The following HYCC2 variants were observed in gnomAD, a reference collection of about 807,000 sequenced individuals.
HYCC2 encodes hyccin 2.
At chr2:201,036,224 C>T in the HYCC2 span, among the ~76,000 whole-genome samples, 4 of 152,196 alleles carry the variant, frequency 2.6e-5, no homozygotes, top group Non-Finnish European at 5.9e-5. Context: ...TGACCAATAA[C>T]AGGCTCTGAA....
At chr2:201,042,713 G>T in the HYCC2 span, among the ~76,000 whole-genome samples, 1 of 149,122 alleles carries the variant, frequency 6.7e-6, no homozygotes, top group Non-Finnish European at 1.5e-5. Context: ...GGCAGCCCCC[G>T]CCCGGCCAGC....
chr2:201,011,730 A>G, the HYCC2 span, among the ~76,000 whole-genome samples: 17 of 152,202 alleles, frequency 1.1e-4, no homozygotes, highest in South Asian at 2.1e-4. Context: ...CAAATACAAT[A>G]TGACAGCAAA....
At chr2:200,988,279 T>A in the HYCC2 span, 20 of 1,611,572 alleles carry the variant, frequency 1.2e-5, no homozygotes, top group Non-Finnish European at 1.7e-5. Context: ...TCTCCATCTA[T>A]GACGACGGAT....
chr2:201,009,124 T>C, the HYCC2 span: 2 of 1,229,968 alleles, frequency 1.6e-6, no homozygotes, highest in South Asian at 1.2e-5. Flanking sequence ...ACAATGTCTC[T>C]ACCATGAAGT....
chr2:201,004,219 A>G, the HYCC2 span, among the ~76,000 whole-genome samples: 1 of 152,166 alleles, frequency 6.6e-6, no homozygotes, highest in Admixed American at 6.5e-5. Context: ...GCCTGTATGG[A>G]AAAAAACAGG....
chr2:201,050,257 G>GTCAGT, the HYCC2 span, among the ~76,000 whole-genome samples: 1 of 149,144 alleles, frequency 6.7e-6, no homozygotes, highest in Non-Finnish European at 1.5e-5. Flanking sequence ...AAAAAACCAT[G>GTCAGT]TCAGTATAAA....
chr2:201,012,388 G>A, the HYCC2 span, among the ~76,000 whole-genome samples: 3 of 152,208 alleles, frequency 2.0e-5, no homozygotes, highest in African/African-American at 7.2e-5. Flanking sequence ...TTGAGCCTTG[G>A]AGGTGGAAGT....
the HYCC2 span, among the ~76,000 whole-genome samples, chr2:201,017,325 G>A: frequency 6.6e-6 from 1 of 151,256 alleles, no homozygotes; most frequent in African/African-American, 2.4e-5. Flanking sequence ...TGTGTAAAGA[G>A]ACCACATATT....
the HYCC2 span, among the ~76,000 whole-genome samples, chr2:201,045,213 T>C: frequency 7.2e-5 from 11 of 152,182 alleles, no homozygotes; most frequent in African/African-American, 1.4e-4. Context: ...AGAAGTTCTA[T>C]TGGACAGCAT....
At chr2:201,016,961 A>C in the HYCC2 span, 4 of 1,599,916 alleles carry the variant, frequency 2.5e-6, no homozygotes, top group African/African-American at 1.3e-5. Context: ...AAAATACTTA[A>C]AATTTCCCAA....
chr2:201,045,436 T>G, the HYCC2 span: 1 of 397,532 alleles, frequency 2.5e-6, no homozygotes, highest in East Asian at 3.6e-5. Flanking sequence ...AATGCTAACA[T>G]GTCTAATGAT....
At chr2:200,979,590 G>A in the HYCC2 span, 1 of 152,056 alleles carries the variant, frequency 6.6e-6, no homozygotes, top group Admixed American at 6.6e-5. Context: ...TAATGGTAGA[G>A]ATAAAATTTT....
At chr2:201,063,657 C>T in the HYCC2 span, 3 of 1,573,960 alleles carry the variant, frequency 1.9e-6, no homozygotes, top group Non-Finnish European at 2.6e-6. Context: ...ACTAGTGCTT[C>T]ATCTAGCCAA....
the HYCC2 span, among the ~76,000 whole-genome samples, chr2:201,046,141 A>T: frequency 1.3e-5 from 2 of 152,200 alleles, no homozygotes; most frequent in South Asian, 4.1e-4. Flanking sequence ...AAATGCTCTT[A>T]CTGAATTTTT....
the HYCC2 span, among the ~76,000 whole-genome samples, chr2:201,070,769 C>A: frequency 6.6e-6 from 1 of 152,162 alleles, no homozygotes; most frequent in Non-Finnish European, 1.5e-5. Flanking sequence ...ATTTTCTAGT[C>A]ATTTTCCAAC....
At chr2:201,008,992 T>C in the HYCC2 span, 2 of 1,611,760 alleles carry the variant, frequency 1.2e-6, no homozygotes, top group Non-Finnish European at 1.7e-6. Flanking sequence ...GCAGTGAATG[T>C]TTCCCTCTGA....
chr2:201,036,413 T>C, the HYCC2 span, among the ~76,000 whole-genome samples: 3 of 152,294 alleles, frequency 2.0e-5, no homozygotes, highest in Non-Finnish European at 2.9e-5. Flanking sequence ...ATCATCCTGA[T>C]ACCAAAGCCT....
the HYCC2 span, chr2:200,992,292 G>A: frequency 6.2e-7 from 1 of 1,602,998 alleles, no homozygotes; most frequent in Non-Finnish European, 8.5e-7. Flanking sequence ...AATAGTGGTT[G>A]AGAAAAAAGC....
the HYCC2 span, among the ~76,000 whole-genome samples, chr2:200,985,062 G>T: frequency 6.6e-6 from 1 of 151,820 alleles, no homozygotes; most frequent in Non-Finnish European, 1.5e-5. Flanking sequence ...AGTGAGCTAT[G>T]ACTGTGCCAC....
Sources: allele counts gnomAD v4.1 joint callset (sites outside exome capture counted in the v4.1 genomes callset), GRCh38; gene constraint gnomAD v4.1.1; transcripts MANE v1.5; gene names NCBI Gene and HGNC (gene_info 2026-07-23, HGNC 2026-07-21).